MYO5B: variants seen among roughly 807,000 people sequenced by gnomAD.
MYO5B encodes the protein myosin VB, also known as unconventional myosin-Vb.
A neutral mutation model predicts 229.3 loss-of-function variants in MYO5B; 143 were observed. That is an observed-to-expected ratio of 0.62 (90% confidence interval 0.54 to 0.72). MYO5B has a LOEUF of 0.72. Ranked by LOEUF, MYO5B falls within the 30% of genes least tolerant of loss-of-function variation. The pLI is 0.00. For missense variants in MYO5B, 2,321 were observed against 2,331.0 expected (o/e 1.00, Z 0.09); for synonymous variants, 918 against 885.2 (o/e 1.04, Z -0.66).
chr18:50,022,040 G>A (rs2026280853), intron 4 of MYO5B, among the ~76,000 whole-genome samples: 1 of 152,108 alleles, frequency 6.6e-6, no homozygotes, highest in Non-Finnish European at 1.5e-5. Context: ...AGACATAACA[G>A]GTTCCAGATT....
chr18:50,097,214 C>T (rs2031568443), intron 1 of MYO5B: 1 of 456,590 alleles, frequency 2.2e-6, no homozygotes, highest in Non-Finnish European at 4.4e-6. Flanking sequence ...GTCATCACTC[C>T]CACCTCCGCA....
intron 6 of MYO5B, among the ~76,000 whole-genome samples, chr18:49,991,639 A>G (rs571716588): frequency 1.3e-5 from 2 of 152,282 alleles, no homozygotes; most frequent in African/African-American, 4.8e-5. Context: ...ACACATGGAC[A>G]CAGGGAGGGG....
intron 1 of MYO5B, among the ~76,000 whole-genome samples, chr18:50,130,372 C>T (rs560504595): frequency 1.3e-5 from 2 of 152,170 alleles, no homozygotes; most frequent in Non-Finnish European, 2.9e-5. Context: ...TAGAATTTGA[C>T]GAATGGCAAT....
chr18:49,867,082 G>C (rs2144085458), intron 27 of MYO5B, among the ~76,000 whole-genome samples: 1 of 152,286 alleles, frequency 6.6e-6, no homozygotes, highest in South Asian at 2.1e-4. Flanking sequence ...AAGGAAGCTG[G>C]ATCCAGGAAA....
intron 20 of MYO5B, 143 bp from the exon 21 acceptor site, chr18:49,902,976 T>A: frequency 9.3e-7 from 1 of 1,070,664 alleles, no homozygotes; most frequent in Non-Finnish European, 1.4e-6. Context: ...CCCTAAGATC[T>A]AAGGCTTTGG....
chr18:50,140,020 G>GA (rs1214483662), intron 1 of MYO5B, among the ~76,000 whole-genome samples: 2 of 137,380 alleles, frequency 1.5e-5, no homozygotes, highest in African/African-American at 5.8e-5. Context: ...AAACAACCTA[G>GA]GGGGAAAAAA....
rs969240814 is a variant in MYO5B, at chr18:49,974,420, C to G, written c.1252G>C (p.Glu418Gln). 6.2e-7 allele frequency: 1 copy of G among 1,614,170 alleles called. No individual in the cohort carries two copies. Among genetic ancestry groups the G allele is most frequent in the Admixed American group, 1.7e-5 (1 of 60,032 alleles). ...IYAQLFGWIV[E>Q]HINKALHTSL... ...GTGTGCAGGGCCTTGTTGATGTGCTCCACAATCCAGCCGAACAACTGGGCA... is the reference window on the plus strand; with the variant it reads ...GTGTGCAGGGCCTTGTTGATGTGCTGCACAATCCAGCCGAACAACTGGGCA... The change falls in exon 10 of 40, where the codon GAG becomes CAG. Residue 418 changes from glutamate (E) to glutamine (Q), a missense_variant. Transcript: ENST00000285039.
At chr18:49,928,674 G>A (rs114635996) in intron 17 of MYO5B, among the ~76,000 whole-genome samples, 8,450 of 152,196 alleles carry the variant, frequency 0.056, 264 homozygotes, top group South Asian at 0.15. Flanking sequence ...ACTGGCACAG[G>A]CATGTTAATA....
At chr18:50,118,257 T>C (rs1047184932) in intron 1 of MYO5B, among the ~76,000 whole-genome samples, 1 of 152,152 alleles carries the variant, frequency 6.6e-6, no homozygotes, top group Non-Finnish European at 1.5e-5. Context: ...TTGGTCACCA[T>C]AGGACCAGCA....
At chr18:50,044,655 C>T (rs1271993371) in intron 2 of MYO5B, among the ~76,000 whole-genome samples, 2 of 152,056 alleles carry the variant, frequency 1.3e-5, no homozygotes, top group African/African-American at 2.4e-5. Flanking sequence ...TAGCCCCGAG[C>T]CCCATGTGGC....
chr18:49,872,114 T>A, intron 27 of MYO5B, 53 bp downstream of exon 27: 2 of 1,560,974 alleles, frequency 1.3e-6, no homozygotes, highest in Non-Finnish European at 1.8e-6. Context: ...AGATTTGTCA[T>A]CTGCCCTCTG....
At chr18:50,081,888 C>T (rs927789238) in intron 1 of MYO5B, among the ~76,000 whole-genome samples, 1 of 152,096 alleles carries the variant, frequency 6.6e-6, no homozygotes, top group Non-Finnish European at 1.5e-5. Context: ...TCTTTCTTGC[C>T]TCATCAATTC....
intron 1 of MYO5B, among the ~76,000 whole-genome samples, chr18:50,164,123 G>A (rs1409509773): frequency 6.6e-6 from 1 of 152,104 alleles, no homozygotes; most frequent in East Asian, 1.9e-4. Flanking sequence ...CCTGATGCAG[G>A]AGTCAAAGAC....
chr18:49,974,790 C>CAG (rs953636344), intron 9 of MYO5B, among the ~76,000 whole-genome samples, 175 bp from the exon 10 acceptor site: 2 of 142,400 alleles, frequency 1.4e-5, no homozygotes, highest in Admixed American at 1.4e-4. Flanking sequence ...CACACACACA[C>CAG]ACACACAGAC....
intron 4 of MYO5B, among the ~76,000 whole-genome samples, chr18:50,031,077 G>A (rs1212884399): frequency 1.3e-5 from 2 of 152,078 alleles, no homozygotes; most frequent in Non-Finnish European, 2.9e-5. Context: ...AATCTGCTCT[G>A]TTCTGACAAG....
At chr18:50,131,925 G>A (rs1214555147) in intron 1 of MYO5B, among the ~76,000 whole-genome samples, 1 of 152,106 alleles carries the variant, frequency 6.6e-6, no homozygotes. Flanking sequence ...AATCAGATCT[G>A]GACCTGAACT....
chr18:50,074,581 G>T (rs2031035084), intron 1 of MYO5B, among the ~76,000 whole-genome samples: 2 of 152,094 alleles, frequency 1.3e-5, no homozygotes. Flanking sequence ...CTTTGAATCT[G>T]CACCCTGATC....
At chr18:50,187,193 TAATAA>T (rs1475502128) in intron 1 of MYO5B, among the ~76,000 whole-genome samples, 1 of 152,216 alleles carries the variant, frequency 6.6e-6, no homozygotes, top group Non-Finnish European at 1.5e-5. Flanking sequence ...CCCTTGCCCT[TAATAA>T]AACATTTATT....
At chr18:49,955,787 A>T (rs894681861) in intron 12 of MYO5B, among the ~76,000 whole-genome samples, 14 of 152,182 alleles carry the variant, frequency 9.2e-5, no homozygotes, top group African/African-American at 3.1e-4. Context: ...ACTGTTTTAT[A>T]TTTGTCTCCA....
Sources: gnomAD v4.1 joint callset for allele counts (sites outside exome capture counted in the v4.1 genomes callset) on GRCh38, gnomAD v4.1.1 for gene constraint, MANE v1.5 for transcripts, NCBI Gene and HGNC (gene_info 2026-07-23, HGNC 2026-07-21) for gene names.